MYO5B: variants seen among roughly 807,000 people sequenced by gnomAD.
MYO5B encodes unconventional myosin-Vb.
A neutral mutation model predicts 229.3 loss-of-function variants in MYO5B; 143 were observed. That is an observed-to-expected ratio of 0.62 (90% CI 0.54 to 0.72). The LOEUF (loss-of-function observed/expected upper bound fraction) is 0.72. Among genes scored for constraint, MYO5B ranks in the 30% least tolerant of loss-of-function variants. MYO5B has a pLI of 0.00. For synonymous variants in MYO5B, 918 were observed against 885.2 expected (o/e 1.04, Z -0.66); for missense variants, 2,321 against 2,331.0 (o/e 1.00, Z 0.09).
intron 1 of MYO5B, among the ~76,000 whole-genome samples, chr18:50,159,730 C>T (rs540172731): frequency 1.3e-5 from 2 of 152,330 alleles, no homozygotes; most frequent in Admixed American, 1.3e-4. Context: ...CGCCAGCAAC[C>T]AGCTCCCCTC....
At chr18:49,831,487 T>C (rs531752030) in intron 39 of MYO5B, among the ~76,000 whole-genome samples, 5 of 152,256 alleles carry the variant, frequency 3.3e-5, no homozygotes, top group East Asian at 1.9e-4. Flanking sequence ...AGAGAAGATA[T>C]ATACATGGCC....
chr18:49,992,762 A>G (rs530252697), intron 5 of MYO5B, among the ~76,000 whole-genome samples: 19 of 152,258 alleles, frequency 1.2e-4, no homozygotes, highest in African/African-American at 4.6e-4. Context: ...GGTACCAGCT[A>G]TAGCAGTTAT....
intron 1 of MYO5B, among the ~76,000 whole-genome samples, chr18:50,113,561 A>G (rs1361101186): frequency 6.6e-6 from 1 of 152,242 alleles, no homozygotes; most frequent in Non-Finnish European, 1.5e-5. Context: ...CTGAACATCA[A>G]GTGTGGCCTC....
At chr18:49,888,793 G>C (rs2024675791) in intron 22 of MYO5B, among the ~76,000 whole-genome samples, 1 of 152,182 alleles carries the variant, frequency 6.6e-6, no homozygotes, top group Non-Finnish European at 1.5e-5. Flanking sequence ...ATTCTTTACT[G>C]GTTACTTTCT....
chr18:49,865,366 C>A lies in MYO5B; in HGVS notation c.3604-986G>T, dbSNP rs143921554. On this transcript the variant is annotated intron_variant, in intron 27 of 39. Coordinates refer to ENST00000285039, the MANE Select transcript of MYO5B (RefSeq NM_001080467.3). ...GTGGTGATTTCCAGAAGATTTAGAA[C>A]CATGCATAGAGATAGTAACTCTGCA... Among the ~76,000 whole-genome samples, 362 of 152,288 alleles carry A rather than the reference C, an allele frequency of 2.4e-3. 3 individuals carry two copies. Among genetic ancestry groups the A allele is most frequent in the Non-Finnish European group, 3.7e-3 (254 of 68,026 alleles).
intron 36 of MYO5B, 98 bp from the exon 37 acceptor site, chr18:49,837,900 T>C: frequency 7.5e-6 from 11 of 1,466,672 alleles, no homozygotes; most frequent in Non-Finnish European, 1.0e-5. Flanking sequence ...TTAGCAATGA[T>C]ACCATCCAGA....
chr18:50,062,775 G>A (rs1318070161), intron 1 of MYO5B, among the ~76,000 whole-genome samples: 2 of 152,152 alleles, frequency 1.3e-5, no homozygotes, highest in African/African-American at 4.8e-5. Context: ...TCCCATTGGT[G>A]TGCTGTTGGT....
At chr18:50,091,493 A>T (rs2031447287) in intron 1 of MYO5B, among the ~76,000 whole-genome samples, 1 of 152,150 alleles carries the variant, frequency 6.6e-6, no homozygotes, top group South Asian at 2.1e-4. Context: ...ACACAATCTC[A>T]TCCCCGAATC....
chr18:49,882,582 C>A (rs1057427410), intron 22 of MYO5B, among the ~76,000 whole-genome samples: 2 of 137,064 alleles, frequency 1.5e-5, no homozygotes, highest in South Asian at 4.6e-4. Flanking sequence ...GAGCTGAGAT[C>A]GTGCCACAGC....
At chr18:49,902,515 T>C in intron 21 of MYO5B, 79 bp downstream of exon 21, 2 of 1,589,432 alleles carry the variant, frequency 1.3e-6, no homozygotes, top group Admixed American at 1.7e-5. Flanking sequence ...GTGCAGTTCC[T>C]CAAGGAAGCT....
intron 4 of MYO5B, among the ~76,000 whole-genome samples, chr18:50,018,130 A>G (rs370006246): frequency 3.1e-4 from 47 of 152,142 alleles, no homozygotes; most frequent in African/African-American, 1.1e-3. Context: ...TCCAGGCTGG[A>G]TGGCTATTCA....
At chr18:50,067,729 A>G (rs945885418) in intron 1 of MYO5B, among the ~76,000 whole-genome samples, 1 of 152,132 alleles carries the variant, frequency 6.6e-6, no homozygotes, top group Non-Finnish European at 1.5e-5. Context: ...GTCTCCTGCC[A>G]TGAGTGGAAG....
chr18:50,095,615 A>G (rs1461535504), intron 1 of MYO5B, among the ~76,000 whole-genome samples: 3 of 152,202 alleles, frequency 2.0e-5, no homozygotes, highest in Non-Finnish European at 4.4e-5. Flanking sequence ...GTGAATAAGG[A>G]TGAGCATGTG....
intron 1 of MYO5B, among the ~76,000 whole-genome samples, chr18:50,082,574 T>C (rs2031243950): frequency 1.3e-5 from 2 of 152,232 alleles, no homozygotes; most frequent in African/African-American, 4.8e-5. Flanking sequence ...ATCAACATAC[T>C]GTGAGACCCA....
intron 3 of MYO5B, 66 bp from the exon 4 acceptor site, chr18:50,037,060 C>A: frequency 1.3e-6 from 2 of 1,584,960 alleles, no homozygotes; most frequent in Admixed American, 1.7e-5. Context: ...TAGCTCAAGG[C>A]ACCCATCCAT....
intron 13 of MYO5B, 103 bp from the exon 14 acceptor site, chr18:49,953,446 G>C: frequency 1.0e-6 from 1 of 989,638 alleles, no homozygotes; most frequent in Non-Finnish European, 1.6e-6. Flanking sequence ...AGAGCTGTGA[G>C]TAGATAGGAA....
intron 5 of MYO5B, among the ~76,000 whole-genome samples, chr18:49,996,184 C>A (rs1207075130): frequency 6.6e-6 from 1 of 152,124 alleles, no homozygotes; most frequent in East Asian, 1.9e-4. Flanking sequence ...AAAGATTGGC[C>A]CTCCTTACTT....
chr18:49,900,143 G>A (rs1198219076), intron 21 of MYO5B, among the ~76,000 whole-genome samples: 1 of 152,206 alleles, frequency 6.6e-6, no homozygotes, highest in Non-Finnish European at 1.5e-5. Flanking sequence ...TCATCCCTGA[G>A]ACTGCACTCT....
chr18:49,942,161 C>T (rs2144222824), intron 14 of MYO5B, among the ~76,000 whole-genome samples: 1 of 151,412 alleles, frequency 6.6e-6, no homozygotes, highest in Non-Finnish European at 1.5e-5. Context: ...TGGATCCCTT[C>T]CTTACACCTT....
Sources: allele counts gnomAD v4.1 joint callset (sites outside exome capture counted in the v4.1 genomes callset), GRCh38; gene constraint gnomAD v4.1.1; transcripts MANE v1.5; gene names NCBI Gene and HGNC (gene_info 2026-07-23, HGNC 2026-07-21).